Variants in OSBPL10 observed in about 807,000 individuals in gnomAD.
OSBPL10 encodes oxysterol binding protein like 10.
In OSBPL10, 49 loss-of-function variants were observed where a neutral mutation model predicts 81.7. The ratio of observed to expected loss-of-function variants is 0.60; its 90% confidence interval spans 0.48 to 0.76. The LOEUF (loss-of-function observed/expected upper bound fraction) is 0.76, where lower values mean the gene tolerates loss of function less well. Among genes scored for constraint, OSBPL10 ranks in the 30% least tolerant of loss-of-function variants. The pLI, the probability that OSBPL10 is intolerant of heterozygous loss-of-function variation, is 0.00. For missense variants in OSBPL10, 923 were observed against 987.8 expected (o/e 0.93, Z 0.88); for synonymous variants, 419 against 383.6 (o/e 1.09, Z -1.08).
At chr3:31,691,219 A>G (rs1695537829) in intron 7 of OSBPL10, among the ~76,000 whole-genome samples, 1 of 152,224 alleles carries the variant, frequency 6.6e-6, no homozygotes, top group Non-Finnish European at 1.5e-5. Flanking sequence ...TCAGAGAACA[A>G]TTAATTACAT....
chr3:31,696,638 T>C (rs1173984898), intron 7 of OSBPL10, among the ~76,000 whole-genome samples: 4 of 152,258 alleles, frequency 2.6e-5, no homozygotes, highest in Non-Finnish European at 5.9e-5. Context: ...CTTCACTGGC[T>C]GAACCTTCTT....
intron 10 of OSBPL10, chr3:31,664,491 T>TCTAA: frequency 1.8e-6 from 1 of 571,370 alleles, no homozygotes; most frequent in East Asian, 2.9e-5. Context: ...GGGAATCAAA[T>TCTAA]CTAATAGTAG....
intron 1 of OSBPL10, among the ~76,000 whole-genome samples, chr3:31,915,560 GTA>G (rs750072845): frequency 2.0e-5 from 3 of 152,088 alleles, no homozygotes; most frequent in African/African-American, 7.2e-5. Context: ...TAAACATTGG[GTA>G]CTAATGGACA....
chr3:31,989,124 A>T, intron 2 of OSBPL10: 1 of 1,614,202 alleles, frequency 6.2e-7, no homozygotes, highest in South Asian at 1.1e-5. Flanking sequence ...AAAAGGAGCC[A>T]GGCATGGCTC....
At chr3:31,683,556 C>A (rs2125546846) in intron 8 of OSBPL10, 78 bp downstream of exon 8, 1 of 1,522,550 alleles carries the variant, frequency 6.6e-7, no homozygotes, top group Non-Finnish European at 8.8e-7. Context: ...AAACTCCACA[C>A]ACAAAATTAT....
At chr3:31,866,621 G>C (rs376612229) in intron 3 of OSBPL10, among the ~76,000 whole-genome samples, 9 of 152,142 alleles carry the variant, frequency 5.9e-5, no homozygotes, top group East Asian at 3.9e-4. Context: ...TGACAAAGGC[G>C]GGGGAGGAGA....
chr3:31,847,045 TCA>T (rs1395710337), intron 3 of OSBPL10, among the ~76,000 whole-genome samples: 1 of 152,058 alleles, frequency 6.6e-6, no homozygotes, highest in Non-Finnish European at 1.5e-5. Context: ...TCAAAATAAC[TCA>T]GATTTCCAAT....
Position 31,673,946 on chromosome 3 carries a change from A to G in OSBPL10, c.1727-2963T>C, listed in dbSNP as rs72857938. Among the ~76,000 whole-genome samples the G allele has an allele frequency of 2.6e-3, 388 of 151,792 alleles. 2 individuals are homozygous for G. Among genetic ancestry groups the G allele is most frequent in the African/African-American group, 9.2e-3 (381 of 41,266 alleles). On this transcript the variant is annotated intron_variant, in intron 8 of 11. Coordinates refer to ENST00000396556, the MANE Select transcript of OSBPL10 (RefSeq NM_017784.5). ...CAAGCATGCACCACCATACCCAACT[A>G]ATTGAAAAAAAAATTATTTATAGAG...
intron 7 of OSBPL10, among the ~76,000 whole-genome samples, chr3:31,693,037 C>A (rs1419636080): frequency 6.6e-6 from 1 of 152,202 alleles, no homozygotes; most frequent in Non-Finnish European, 1.5e-5. Flanking sequence ...TCCACTCTCT[C>A]TTCTATTAAA....
intron 8 of OSBPL10, among the ~76,000 whole-genome samples, chr3:31,679,248 G>A (rs1700574455): frequency 6.6e-6 from 1 of 152,112 alleles, no homozygotes; most frequent in South Asian, 2.1e-4. Flanking sequence ...ATTGAAAATT[G>A]CAACCTCCCT....
chr3:31,906,572 GAATATA>G (rs1696413890), intron 1 of OSBPL10, among the ~76,000 whole-genome samples: 1 of 152,146 alleles, frequency 6.6e-6, no homozygotes, highest in Non-Finnish European at 1.5e-5. Context: ...GGTACTTTAT[GAATATA>G]TACAGCTAGC....
intron 2 of OSBPL10, among the ~76,000 whole-genome samples, chr3:32,009,464 T>C (rs1205712898): frequency 6.6e-6 from 1 of 152,212 alleles, no homozygotes; most frequent in African/African-American, 2.4e-5. Context: ...ATCTATAAAA[T>C]GATACAGTCT....
At chr3:31,957,402 C>G (rs1331493617) in intron 1 of OSBPL10, among the ~76,000 whole-genome samples, 1 of 152,122 alleles carries the variant, frequency 6.6e-6, no homozygotes, top group Non-Finnish European at 1.5e-5. Context: ...GCAGCTGAGG[C>G]AAGGGAACTG....
intron 1 of OSBPL10, among the ~76,000 whole-genome samples, chr3:31,962,311 A>C (rs557748474): frequency 6.6e-6 from 1 of 152,288 alleles, no homozygotes; most frequent in Admixed American, 6.5e-5. Context: ...CACAGATAAC[A>C]ACTATAATTC....
intron 4 of OSBPL10, among the ~76,000 whole-genome samples, chr3:31,776,354 T>C (rs764262535): frequency 2.0e-5 from 3 of 152,178 alleles, no homozygotes; most frequent in South Asian, 2.1e-4. Flanking sequence ...AACCTTCTTA[T>C]ACCGTTGGTG....
chr3:32,072,087 C>A lies in OSBPL10; in HGVS notation n.185+5309G>T, dbSNP rs140227785. On this transcript the variant is annotated intron_variant and non_coding_transcript_variant, in intron 1 of 3. Coordinates refer to the OSBPL10 transcript ENST00000479173. ...CATTGCCTTCACTCAAGCCCTCACT[C>A]TTGCAAAGGAATTACGCGTCAATAT... Among the ~76,000 whole-genome samples the A allele has an allele frequency of 3.9e-3, 595 of 152,326 alleles. 1 individual carries two copies. Among genetic ancestry groups the A allele is most frequent in the African/African-American group, 0.013 (548 of 41,578 alleles).
At chr3:31,807,526 G>A (rs1381811777) in intron 4 of OSBPL10, among the ~76,000 whole-genome samples, 4 of 151,684 alleles carry the variant, frequency 2.6e-5, no homozygotes, top group African/African-American at 9.7e-5. Flanking sequence ...TAGCACTTTG[G>A]GAGGCCAAGG....
chr3:31,967,124 A>T (rs1698424677), intron 1 of OSBPL10, among the ~76,000 whole-genome samples: 1 of 152,152 alleles, frequency 6.6e-6, no homozygotes. Flanking sequence ...AGACAAACCA[A>T]ATCAATCTTG....
chr3:31,892,690 G>A (rs1695930538), intron 1 of OSBPL10, among the ~76,000 whole-genome samples: 1 of 152,178 alleles, frequency 6.6e-6, no homozygotes, highest in African/African-American at 2.4e-5. Context: ...GACTGGGGCA[G>A]CAGGGTTCTG....
Sources: allele counts gnomAD v4.1 joint callset (sites outside exome capture counted in the v4.1 genomes callset), GRCh38; gene constraint gnomAD v4.1.1; transcripts MANE v1.5; gene names NCBI Gene and HGNC (gene_info 2026-07-23, HGNC 2026-07-21).